Variants in LINGO2 observed in about 807,000 individuals in gnomAD.
LINGO2 encodes leucine rich repeat and Ig domain containing 2.
In LINGO2, 14 loss-of-function variants were observed where a neutral mutation model predicts 30.6. That is an observed-to-expected ratio of 0.46 (90% confidence interval 0.30 to 0.72). The LOEUF (loss-of-function observed/expected upper bound fraction) is 0.72. Among genes scored for constraint, LINGO2 ranks in the 30% least tolerant of loss-of-function variants. The pLI is 0.07. For missense variants in LINGO2, 729 were observed against 751.7 expected (o/e 0.97, Z 0.35); for synonymous variants, 317 against 288.5 (o/e 1.10, Z -1.00).
At chr9:29,212,658 A>G in the LINGO2 span, among the ~76,000 whole-genome samples, 2 of 152,170 alleles carry the variant, frequency 1.3e-5, no homozygotes, top group African/African-American at 4.8e-5. Context: ...TCCACGCTGT[A>G]TATCAACCTC....
At chr9:28,118,836 A>C (rs190706384) in intron 4 of LINGO2, among the ~76,000 whole-genome samples, 12 of 152,284 alleles carry the variant, frequency 7.9e-5, no homozygotes. Flanking sequence ...ATATCCTGCA[A>C]GATAGAAAAT....
chr9:28,082,584 T>C (rs1399821183), intron 4 of LINGO2, among the ~76,000 whole-genome samples: 1 of 152,260 alleles, frequency 6.6e-6, no homozygotes, highest in East Asian at 1.9e-4. Context: ...AATGGACAAA[T>C]ACTAGAGGCT....
At chr9:28,572,513 A>T (rs1823744638) in intron 1 of LINGO2, among the ~76,000 whole-genome samples, 1 of 152,068 alleles carries the variant, frequency 6.6e-6, no homozygotes. Flanking sequence ...GCATAACAAC[A>T]AGGCCGCTCT....
chr9:28,187,422 G>A (rs13294780), intron 4 of LINGO2, among the ~76,000 whole-genome samples: 13,301 of 151,540 alleles, frequency 0.088, 690 homozygotes, highest in Middle Eastern at 0.15. Context: ...CCTGGGAGAC[G>A]GAGGTTGCAG....
chr9:28,954,702 C>T, the LINGO2 span, among the ~76,000 whole-genome samples: 3 of 152,284 alleles, frequency 2.0e-5, no homozygotes, highest in Non-Finnish European at 2.9e-5. Context: ...ATCTTGGGAA[C>T]TCCCATGGTA....
At chr9:28,102,341 T>C (rs992176389) in intron 4 of LINGO2, among the ~76,000 whole-genome samples, 7 of 152,044 alleles carry the variant, frequency 4.6e-5, no homozygotes, top group Non-Finnish European at 1.0e-4. Context: ...AATTCAAGTA[T>C]TAATTCTGAT....
At chr9:28,781,345 GTATGCATTCAAATCATAAGATTT>G in the LINGO2 span, among the ~76,000 whole-genome samples, 11 of 152,094 alleles carry the variant, frequency 7.2e-5, no homozygotes, top group African/African-American at 2.7e-4. Flanking sequence ...AGTATCCAAG[GTATGCATTCAAATCATAAGATTT>G]TATGCATCAA....
At chr9:28,863,691 A>G in the LINGO2 span, 1 of 531,190 alleles carries the variant, frequency 1.9e-6, no homozygotes, top group Non-Finnish European at 3.9e-6. Context: ...TTCACAAAGA[A>G]ATCCACAGCA....
At chr9:28,381,758 C>A (rs1176412061) in intron 2 of LINGO2, among the ~76,000 whole-genome samples, 1 of 152,090 alleles carries the variant, frequency 6.6e-6, no homozygotes, top group East Asian at 1.9e-4. Flanking sequence ...TGTACTGACA[C>A]TGAAAACATT....
At chr9:29,177,076 G>A in the LINGO2 span, among the ~76,000 whole-genome samples, 1 of 152,236 alleles carries the variant, frequency 6.6e-6, no homozygotes, top group Non-Finnish European at 1.5e-5. Context: ...AATGAACAGA[G>A]CATTAAAGTA....
At chr9:28,965,527 T>C in the LINGO2 span, among the ~76,000 whole-genome samples, 1 of 152,020 alleles carries the variant, frequency 6.6e-6, no homozygotes, top group African/African-American at 2.4e-5. Context: ...AATTAATGCT[T>C]AATTTTTACC....
chr9:28,825,885 A>AT, the LINGO2 span, among the ~76,000 whole-genome samples: 3 of 152,072 alleles, frequency 2.0e-5, no homozygotes, highest in Non-Finnish European at 4.4e-5. Flanking sequence ...ATAAATGACT[A>AT]TTTTTCTGAG....
chr9:28,988,718 GCT>G, the LINGO2 span, among the ~76,000 whole-genome samples: 2 of 152,130 alleles, frequency 1.3e-5, no homozygotes, highest in Non-Finnish European at 2.9e-5. Context: ...AGTGCTTCTG[GCT>G]CTCTTTTTCT....
At chr9:28,556,785 G>GA (rs1337233101) in intron 1 of LINGO2, among the ~76,000 whole-genome samples, 1 of 151,772 alleles carries the variant, frequency 6.6e-6, no homozygotes. Context: ...CATGGTACTG[G>GA]TACCAAAACA....
intron 4 of LINGO2, among the ~76,000 whole-genome samples, chr9:28,014,109 CAG>C (rs1822699874): frequency 6.6e-6 from 1 of 152,054 alleles, no homozygotes; most frequent in South Asian, 2.1e-4. Flanking sequence ...GGTTACCACT[CAG>C]AAATTATGGC....
intron 1 of LINGO2, among the ~76,000 whole-genome samples, chr9:28,637,059 C>G (rs1827316182): frequency 6.6e-6 from 1 of 152,152 alleles, no homozygotes; most frequent in Non-Finnish European, 1.5e-5. Flanking sequence ...GTTTTCCCAG[C>G]ACCATTTATT....
At chr9:28,243,914 C>T (rs1296263836) in intron 4 of LINGO2, among the ~76,000 whole-genome samples, 1 of 152,126 alleles carries the variant, frequency 6.6e-6, no homozygotes, top group Non-Finnish European at 1.5e-5. Flanking sequence ...TTAGACAAAT[C>T]CATGAGACAG....
At chr9:28,227,788 A>G (rs954423019) in intron 4 of LINGO2, among the ~76,000 whole-genome samples, 5 of 152,016 alleles carry the variant, frequency 3.3e-5, no homozygotes, top group African/African-American at 1.2e-4. Context: ...AGCAATATGA[A>G]TGCCTAGCTT....
chr9:28,847,802 AGTATATAT>A, the LINGO2 span, among the ~76,000 whole-genome samples: 6 of 38,394 alleles, frequency 1.6e-4, no homozygotes, highest in African/African-American at 5.0e-4. Context: ...ATATATGTAT[AGTATATAT>A]GTATATATAC....
Sources: allele counts gnomAD v4.1 joint callset (sites outside exome capture counted in the v4.1 genomes callset), GRCh38; gene constraint gnomAD v4.1.1; transcripts MANE v1.5; gene names NCBI Gene and HGNC (gene_info 2026-07-23, HGNC 2026-07-21).